The following PRUNE2 variants were observed in gnomAD, a reference collection of about 807,000 sequenced individuals.
PRUNE2 encodes protein prune homolog 2.
PRUNE2 carries 164 observed loss-of-function variants against 252.0 expected under a neutral mutation model. The observed-to-expected ratio is 0.65, with a 90% confidence interval of 0.57 to 0.74. The LOEUF is 0.74. Among genes scored for constraint, PRUNE2 ranks in the 30% least tolerant of loss-of-function variants. PRUNE2 has a pLI of 0.00. For missense variants in PRUNE2, 3,495 were observed against 3,711.0 expected (o/e 0.94, Z 1.51); for synonymous variants, 1,292 against 1,350.2 (o/e 0.96, Z 0.94).
chr9:76,875,423 C>T lies in PRUNE2; in HGVS notation c.37-21215G>A, dbSNP rs557752741. 1.1e-4 allele frequency among the ~76,000 whole-genome samples: 17 copies of T among 152,146 alleles called. No homozygotes were observed. In the South Asian group the frequency reaches 1.2e-3, roughly 11 times the overall value. On this transcript the variant is annotated intron_variant, in intron 1 of 18. Coordinates refer to ENST00000376718, the MANE Select transcript of PRUNE2 (RefSeq NM_015225.3). ...CTCTGTCGCCCAGGCTGGAGTGCAG[C>T]GGCATGATCTCGGCTCACTGCAACC...
At chr9:76,838,788 G>T (rs1171401463) in intron 4 of PRUNE2, among the ~76,000 whole-genome samples, 1 of 152,094 alleles carries the variant, frequency 6.6e-6, no homozygotes, top group African/African-American at 2.4e-5. Flanking sequence ...CGCTAGTTAG[G>T]GAGGGAGTGA....
intron 1 of PRUNE2, among the ~76,000 whole-genome samples, chr9:76,891,452 CACTT>C (rs2062467125): frequency 6.6e-6 from 1 of 152,220 alleles, no homozygotes; most frequent in Non-Finnish European, 1.5e-5. Flanking sequence ...TTACAGGTGA[CACTT>C]AGTCTCCAGA....
chr9:76,696,657 C>T (rs1473126082), intron 9 of PRUNE2, among the ~76,000 whole-genome samples: 1 of 152,188 alleles, frequency 6.6e-6, no homozygotes, highest in Non-Finnish European at 1.5e-5. Context: ...AACTCCTGAC[C>T]TCAAGTGATC....
intron 6 of PRUNE2, among the ~76,000 whole-genome samples, chr9:76,750,290 G>A (rs2050501434): frequency 6.6e-6 from 1 of 152,286 alleles, no homozygotes; most frequent in East Asian, 1.9e-4. Context: ...AAGCACAGGT[G>A]ACAACCCAGA....
intron 6 of PRUNE2, among the ~76,000 whole-genome samples, chr9:76,783,241 A>T (rs1472208120): frequency 6.6e-6 from 1 of 152,120 alleles, no homozygotes; most frequent in Non-Finnish European, 1.5e-5. Flanking sequence ...TGTTCCAGCA[A>T]TTCTCCTGCC....
chr9:76,798,653 A>G (rs758071076), intron 6 of PRUNE2, among the ~76,000 whole-genome samples: 1 of 152,196 alleles, frequency 6.6e-6, no homozygotes, highest in Non-Finnish European at 1.5e-5. Flanking sequence ...AAAAAATGCT[A>G]AAAATTAAAC....
intron 9 of PRUNE2, among the ~76,000 whole-genome samples, chr9:76,664,592 C>T (rs1195581685): frequency 6.6e-6 from 1 of 152,216 alleles, no homozygotes; most frequent in African/African-American, 2.4e-5. Flanking sequence ...GCGATCTCGG[C>T]TCACTCCAGT....
chr9:76,848,737 T>C (rs924411253), intron 3 of PRUNE2, among the ~76,000 whole-genome samples: 5 of 152,244 alleles, frequency 3.3e-5, no homozygotes, highest in African/African-American at 1.2e-4. Flanking sequence ...ATAAAGTCTT[T>C]GATGGCAGAG....
chr9:76,651,911 G>C (rs1847558536), intron 11 of PRUNE2: 2 of 152,200 alleles, frequency 1.3e-5, no homozygotes, highest in Non-Finnish European at 2.9e-5. Context: ...ATTTGAATTA[G>C]TGATACGTGG....
intron 6 of PRUNE2, among the ~76,000 whole-genome samples, chr9:76,748,017 CA>C (rs1348466585): frequency 6.6e-6 from 1 of 152,016 alleles, no homozygotes; most frequent in Non-Finnish European, 1.5e-5. Context: ...AGGCTGGTTT[CA>C]AACTCCCGAC....
In PRUNE2 at chr9:76,706,073, C is replaced by T. The variant is rs766091567; in HGVS notation, c.6201G>A (p.Ala2067=). ...TCTTAGCATCTATCCACAAGTCAGG[C>T]GCGGCAGAGGCCAGCTGCCCACCCT... ...FQEGGQLASA[A]PDLWIDAKKP... The change falls in exon 8 of 19, where the codon GCG becomes GCA. Residue 2067 remains alanine, a synonymous_variant. Transcript: ENST00000376718. 32 of 1,614,018 alleles carry T rather than the reference C, an allele frequency of 2.0e-5. No homozygotes were observed. The highest frequency in any genetic ancestry group is 8.8e-5 in the South Asian group (8 of 91,082).
chr9:76,807,866 T>A (rs1302402779), intron 6 of PRUNE2, among the ~76,000 whole-genome samples: 1 of 152,252 alleles, frequency 6.6e-6, no homozygotes, highest in Non-Finnish European at 1.5e-5. Context: ...GATGTCTGTC[T>A]GTCATTTTCT....
chr9:76,840,759 T>C (rs971290298), intron 4 of PRUNE2, among the ~76,000 whole-genome samples: 2 of 152,134 alleles, frequency 1.3e-5, no homozygotes, highest in Non-Finnish European at 1.5e-5. Context: ...GGCGGGCAGA[T>C]CACCTGAGGT....
At chr9:76,764,249 T>C (rs1372637362) in intron 6 of PRUNE2, among the ~76,000 whole-genome samples, 2 of 151,522 alleles carry the variant, frequency 1.3e-5, no homozygotes, top group Non-Finnish European at 2.9e-5. Flanking sequence ...AATAAATAAA[T>C]AAATAAATAA....
At position 76,708,514 on chromosome 9, in the gene PRUNE2, T is replaced by C; in HGVS notation, c.3760A>G (p.Ser1254Gly). The change falls in exon 8 of 19, where the codon AGC (serine) becomes GGC (glycine). Residue 1254 changes from serine to glycine, a missense_variant. Transcript: ENST00000376718. ...EQRELPPEIP[S>G]HSANVKDTHS... Reference sequence around the variant, plus strand: ...GTGTCTTTAACATTTGCTGAATGGCTGGGGATTTCAGGAGGCAATTCCCTT... The same window carrying C: ...GTGTCTTTAACATTTGCTGAATGGCCGGGGATTTCAGGAGGCAATTCCCTT... The C allele has an allele frequency of 6.2e-7, 1 of 1,613,996 alleles. No individual in the cohort carries two copies. Among genetic ancestry groups the C allele is most frequent in the Non-Finnish European group, 8.5e-7 (1 of 1,179,906 alleles).
chr9:76,865,806 TACACACACACACACACAC>T (rs34661457), intron 1 of PRUNE2, among the ~76,000 whole-genome samples: 3 of 127,150 alleles, frequency 2.4e-5, no homozygotes, highest in African/African-American at 6.3e-5. Flanking sequence ...TCTCTCTCCC[TACACACACACACACACAC>T]ACACACACAC....
At chr9:76,825,249 A>T (rs1302960029) in intron 5 of PRUNE2, among the ~76,000 whole-genome samples, 4 of 152,008 alleles carry the variant, frequency 2.6e-5, no homozygotes, top group Non-Finnish European at 5.9e-5. Flanking sequence ...GGATCTAAAT[A>T]CTCCTACCAT....
At position 76,710,293 on chromosome 9, in the gene PRUNE2, CCAAACCA is replaced by C; in HGVS notation, c.1974_1980del (p.Gly659LysfsTer101). Reference sequence around the variant, plus strand: ...TCTGCAATATTTTTGGAGTCAATTTCCAAACCACCCCACCAGCTGCTGCACCGTGCAT... The same window carrying C: ...TCTGCAATATTTTTGGAGTCAATTTCCCCCACCAGCTGCTGCACCGTGCAT... On this transcript the variant is annotated frameshift_variant, in exon 8 of 19. Transcript: ENST00000376718. LOFTEE classifies it high-confidence loss of function. 6.2e-7 allele frequency: 1 copy of C among 1,614,018 alleles called. No homozygotes were observed. The highest frequency in any genetic ancestry group is 8.5e-7 in the Non-Finnish European group (1 of 1,179,894).
At chr9:76,850,031 T>C (rs2059872704) in intron 3 of PRUNE2, among the ~76,000 whole-genome samples, 1 of 151,948 alleles carries the variant, frequency 6.6e-6, no homozygotes, top group Admixed American at 6.6e-5. Context: ...GTTGTTGTTG[T>C]TGTTTTGGGA....
Sources: gnomAD v4.1 joint callset for allele counts (sites outside exome capture counted in the v4.1 genomes callset) on GRCh38, gnomAD v4.1.1 for gene constraint, MANE v1.5 for transcripts, NCBI Gene and HGNC (gene_info 2026-07-23, HGNC 2026-07-21) for gene names.